The following DECR1 variants were observed in gnomAD, a reference collection of about 807,000 sequenced individuals.
DECR1 encodes 2,4-dienoyl-CoA reductase [(3E)-enoyl-CoA-producing], mitochondrial.
A neutral mutation model predicts 38.8 loss-of-function variants in DECR1; 44 were observed. That is an observed-to-expected ratio of 1.13 (90% CI 0.89 to 1.46). The LOEUF is 1.46. DECR1 is among the 40% of genes most tolerant of loss of function. The pLI is 0.00. For missense variants in DECR1, 428 were observed against 405.5 expected (o/e 1.06, Z -0.48); for synonymous variants, 148 against 135.2 (o/e 1.09, Z -0.66).
Position 90,021,000 on chromosome 8 carries a change from A to G in DECR1, c.509A>G (p.Asn170Ser), listed in dbSNP as rs770682603. The G allele has an allele frequency of 6.3e-7, 1 of 1,597,490 alleles. No homozygotes were observed. Among genetic ancestry groups the G allele is most frequent in the Non-Finnish European group, 8.5e-7 (1 of 1,174,126 alleles). The change falls in exon 5 of 10, where the codon AAT becomes AGT. Residue 170 changes from asparagine to serine, a missense_variant. Asn to Ser is a conservative substitution (Grantham distance 46). Coordinates refer to ENST00000220764, the MANE Select transcript of DECR1 (RefSeq NM_001359.2). ...AAAACCATAACTGACATAGTTCTAAATGGCACAGCCTTCGTGACACTAGAA... is the reference window on the plus strand; with the variant it reads ...AAAACCATAACTGACATAGTTCTAAGTGGCACAGCCTTCGTGACACTAGAA... ...AWKTITDIVL[N>S]GTAFVTLEIG...
intron 5 of DECR1, among the ~76,000 whole-genome samples, chr8:90,023,336 G>A (rs1328053291): frequency 6.6e-6 from 1 of 151,910 alleles, no homozygotes; most frequent in Non-Finnish European, 1.5e-5. Context: ...TTAGTTTTGT[G>A]TATTGATGTA....
Position 90,049,650 on chromosome 8 carries a change from T to C in DECR1, c.886-2027T>C, listed in dbSNP as rs891025883. Reference sequence around the variant, plus strand: ...CCATCCCCATCAAGCTACCAATGACTTTCTTCACAGAATTGGAAAAAACTA... The same window carrying C: ...CCATCCCCATCAAGCTACCAATGACCTTCTTCACAGAATTGGAAAAAACTA... On this transcript the variant is annotated intron_variant, in intron 8 of 9. Coordinates refer to ENST00000220764, the MANE Select transcript of DECR1 (RefSeq NM_001359.2). 2.0e-5 allele frequency among the ~76,000 whole-genome samples: 3 copies of C among 152,322 alleles called. No homozygotes were observed. In the South Asian group the frequency reaches 6.2e-4, roughly 32 times the overall value.
intron 4 of DECR1, among the ~76,000 whole-genome samples, chr8:90,020,234 G>A (rs1813117846): frequency 1.3e-5 from 2 of 152,084 alleles, no homozygotes; most frequent in Admixed American, 1.3e-4. Flanking sequence ...TTTACTGATG[G>A]TAAATAGATC....
At position 90,053,176 on chromosome 8, in the gene DECR1, G is replaced by A. The variant is rs1814137702; in HGVS notation, c.*1279G>A. Among the ~76,000 whole-genome samples, 1 of 151,904 alleles carries A rather than the reference G, an allele frequency of 6.6e-6. No individual in the cohort carries two copies. Among genetic ancestry groups the A allele is most frequent in the Non-Finnish European group, 1.5e-5 (1 of 68,002 alleles). On this transcript the variant is annotated 3_prime_UTR_variant, in exon 10 of 10. Coordinates refer to ENST00000220764, the MANE Select transcript of DECR1 (RefSeq NM_001359.2). The stretch of plus-strand genomic sequence containing the variant: ...GTACCTAGTCTCCATTTTACCTTTA[G>A]TACTAATCCTGTGTATTAGTCTGTT...
chr8:90,017,129 C>T lies in DECR1; in HGVS notation c.75C>T (p.Phe25=). ...LPCGLAPRRF[F]SYGTKILYQN... ...AATTCATTTTCCCCTTTTAGTTTTT[C>T]AGTTATGGGACAAAAATATTATATC... The change falls in exon 2 of 10, where the codon TTC becomes TTT. Residue 25 remains phenylalanine, a synonymous_variant. Transcript: ENST00000220764. 6.2e-7 allele frequency: 1 copy of T among 1,607,726 alleles called. No homozygotes were observed. Among genetic ancestry groups the T allele is most frequent in the Non-Finnish European group, 8.5e-7 (1 of 1,176,834 alleles).
intron 1 of DECR1, chr8:90,005,304 G>A (rs1775934075): frequency 2.2e-6 from 1 of 456,038 alleles, no homozygotes; most frequent in Admixed American, 2.4e-5. Context: ...ACCTTACTAG[G>A]GATATGAAGG....
chr8:90,017,407 A>G, intron 2 of DECR1, 81 bp downstream of exon 2: 12 of 1,054,044 alleles, frequency 1.1e-5, no homozygotes, highest in Non-Finnish European at 1.6e-5. Flanking sequence ...ACTGTTCGCC[A>G]GAGTTGTTTG....
At chr8:90,030,704 G>A (rs1813474294) in intron 5 of DECR1, among the ~76,000 whole-genome samples, 1 of 152,198 alleles carries the variant, frequency 6.6e-6, no homozygotes. Flanking sequence ...TAGTGTGAGT[G>A]CAAGGTGTAT....
intron 5 of DECR1, among the ~76,000 whole-genome samples, chr8:90,036,294 A>G (rs1468066447): frequency 6.6e-6 from 1 of 151,980 alleles, no homozygotes; most frequent in Non-Finnish European, 1.5e-5. Flanking sequence ...CCATCTATAT[A>G]GTATCTTTAG....
chr8:90,029,336 C>A (rs955808507), intron 5 of DECR1: 8 of 152,096 alleles, frequency 5.3e-5, no homozygotes, highest in African/African-American at 1.7e-4. Context: ...GCCTAGCTAA[C>A]ATAAAGACTT....
chr8:90,051,015 G>A (rs1814070708), intron 8 of DECR1, among the ~76,000 whole-genome samples: 1 of 152,094 alleles, frequency 6.6e-6, no homozygotes, highest in Admixed American at 6.6e-5. Context: ...CACACATGGG[G>A]GCCCGTCGTG....
intron 8 of DECR1, among the ~76,000 whole-genome samples, chr8:90,050,593 A>C (rs1814052305): frequency 6.6e-6 from 1 of 152,228 alleles, no homozygotes; most frequent in African/African-American, 2.4e-5. Flanking sequence ...AAACTAGTTA[A>C]ACCATTGTGG....
chr8:90,003,917 G>A (rs914752342), intron 1 of DECR1, among the ~76,000 whole-genome samples: 2 of 151,702 alleles, frequency 1.3e-5, no homozygotes, highest in South Asian at 2.1e-4. Flanking sequence ...CCAACCTGGC[G>A]ATAGAGTGAG....
At chr8:90,033,476 T>C (rs780804858) in intron 5 of DECR1, among the ~76,000 whole-genome samples, 7 of 152,184 alleles carry the variant, frequency 4.6e-5, no homozygotes, top group African/African-American at 7.2e-5. Flanking sequence ...AATGGGCCTC[T>C]GTACAAGAAG....
At position 90,038,262 on chromosome 8, in the gene DECR1, A is replaced by T. The variant is rs78770928; in HGVS notation, c.665+1322A>T. On this transcript the variant is annotated intron_variant, in intron 6 of 9. Transcript: ENST00000220764. ...TTTCATATGTCTATGGCTGAGTTAT[A>T]TTGTTGTTGGAATTTTGCTGTGATG... is the stretch of plus-strand genomic sequence containing the variant. Among the ~76,000 whole-genome samples the T allele has an allele frequency of 4.9e-3, 750 of 151,978 alleles. 9 individuals carry two copies. Among genetic ancestry groups the T allele is most frequent in the African/African-American group, 0.017 (685 of 41,446 alleles).
chr8:90,035,386 TTTTTTCCCATTTG>T (rs975881817), intron 5 of DECR1, among the ~76,000 whole-genome samples: 5 of 152,118 alleles, frequency 3.3e-5, no homozygotes, highest in Admixed American at 1.3e-4. Flanking sequence ...CCTCAGTTTT[TTTTTTCCCATTTG>T]TCTTTCATTT....
intron 1 of DECR1, 48 bp from the exon 2 acceptor site, chr8:90,017,076 T>G (rs1472194832): frequency 1.4e-6 from 2 of 1,397,706 alleles, no homozygotes; most frequent in African/African-American, 2.9e-5. Flanking sequence ...ATTCATCTGT[T>G]TTTTGGAAAT....
At chr8:90,007,401 A>G (rs548026781) in intron 1 of DECR1, among the ~76,000 whole-genome samples, 3 of 152,244 alleles carry the variant, frequency 2.0e-5, no homozygotes, top group South Asian at 2.1e-4. Context: ...TAGGCCCCCA[A>G]TGTTTGTGAA....
At chr8:90,026,780 G>C (rs1340416960) in intron 5 of DECR1, among the ~76,000 whole-genome samples, 1 of 152,078 alleles carries the variant, frequency 6.6e-6, no homozygotes, top group East Asian at 1.9e-4. Context: ...GAATGTGTTT[G>C]CTCTTGCTTC....
Sources: gnomAD v4.1 joint callset for allele counts (sites outside exome capture counted in the v4.1 genomes callset) on GRCh38, gnomAD v4.1.1 for gene constraint, MANE v1.5 for transcripts, NCBI Gene and HGNC (gene_info 2026-07-23, HGNC 2026-07-21) for gene names.